LRRN1: variants seen among roughly 807,000 people sequenced by gnomAD.
The protein encoded by LRRN1 is leucine-rich repeat neuronal protein 1.
Under a neutral mutation model 45.8 loss-of-function variants are expected in LRRN1, and 14 were observed. The ratio of observed to expected loss-of-function variants is 0.31; its 90% CI spans 0.20 to 0.48. LRRN1 has a LOEUF of 0.48. Ranked by LOEUF, LRRN1 falls within the 20% of genes least tolerant of loss-of-function variation. The pLI, the probability that LRRN1 is intolerant of heterozygous loss-of-function variation, is 0.99. For missense variants in LRRN1, 789 were observed against 874.2 expected, an observed-to-expected ratio of 0.90 and a Z score of 1.23; for synonymous variants, 359 against 330.1, an observed-to-expected ratio of 1.09 and a Z score of -0.95.
At chr3:3,829,929 C>T (rs770583590) in intron 1 of LRRN1, among the ~76,000 whole-genome samples, 10 of 152,142 alleles carry the variant, frequency 6.6e-5, no homozygotes, top group Non-Finnish European at 1.3e-4. Context: ...CTGATCATCC[C>T]GAGGAATGGT....
chr3:3,827,524 G>A (rs745873545), intron 1 of LRRN1: 2 of 456,128 alleles, frequency 4.4e-6, no homozygotes, highest in South Asian at 3.1e-5. Flanking sequence ...AAGGCAAGAA[G>A]GAAATCTTGG....
intron 1 of LRRN1, among the ~76,000 whole-genome samples, chr3:3,810,797 C>T (rs1692855931): frequency 6.6e-6 from 1 of 152,190 alleles, no homozygotes; most frequent in Non-Finnish European, 1.5e-5. Flanking sequence ...CCCACAGAGG[C>T]CAGTTGCTAT....
chr3:3,827,615 G>A lies in LRRN1; in HGVS notation c.-278-16749G>A, dbSNP rs757527552. 90 of 419,840 alleles carry A rather than the reference G, an allele frequency of 2.1e-4. 1 individual carries two copies. The highest frequency in any genetic ancestry group is 2.7e-4 in the Non-Finnish European group (56 of 206,900). The allele number at this position is 419,840 out of a possible 1,614,324, so 26.0% of individuals were successfully genotyped here. ...AAATTTGAATCCTGCATTTGCCATG[G>A]ATCTATTTGGAGCCTGAGAAAAAGC... On this transcript the variant is annotated intron_variant, in intron 1 of 1. Transcript: ENST00000319331.
At position 3,808,731 on chromosome 3, in the gene LRRN1, A is replaced by T. The variant is rs146044138; in HGVS notation, c.-279+8812A>T. On this transcript the variant is annotated intron_variant, in intron 1 of 1. Coordinates refer to ENST00000319331, the MANE Select transcript of LRRN1 (RefSeq NM_020873.7). ...AGGACTGGACTACGTTAGCTCTCTT[A>T]GCCCATTCCACTCAAAAAGTTACAT... Among the ~76,000 whole-genome samples the T allele has an allele frequency of 2.0e-5, 3 of 152,354 alleles. No homozygotes were observed. In the East Asian group the frequency reaches 5.8e-4, roughly 29 times the overall value.
intron 1 of LRRN1, among the ~76,000 whole-genome samples, chr3:3,837,068 C>G (rs373513522): frequency 6.6e-6 from 1 of 152,098 alleles, no homozygotes; most frequent in Non-Finnish European, 1.5e-5. Context: ...AACAGGAAAC[C>G]TCACTTTCCT....
intron 1 of LRRN1, among the ~76,000 whole-genome samples, chr3:3,801,682 G>T (rs1004914111): frequency 6.6e-6 from 1 of 152,158 alleles, no homozygotes; most frequent in Non-Finnish European, 1.5e-5. Flanking sequence ...TTCTGTTTGG[G>T]AATTCCATGG....
chr3:3,805,751 C>T (rs1692737525), intron 1 of LRRN1, among the ~76,000 whole-genome samples: 1 of 152,172 alleles, frequency 6.6e-6, no homozygotes, highest in South Asian at 2.1e-4. Context: ...CTCACCACCT[C>T]ACCTGGGCCC....
In LRRN1 at chr3:3,845,554, C is replaced by T. The variant is rs141825989; in HGVS notation, c.913C>T (p.Arg305Cys). Residue 305 changes from arginine to cysteine, a missense_variant, in exon 2 of 2, where the codon CGC (arginine) becomes TGC (cysteine). Coordinates refer to ENST00000319331, the MANE Select transcript of LRRN1 (RefSeq NM_020873.7). This position sits in a 1 kb window ranked among gnomAD's most constrained non-coding sequence, Gnocchi z 6.5. Reference sequence around the variant, plus strand: ...TATGGGCGAGCTCGTTTCTGTCGACCGCTATGCCCTGGATAACTTGCCTGA... The same window carrying T: ...TATGGGCGAGCTCGTTTCTGTCGACTGCTATGCCCTGGATAACTTGCCTGA... Reference protein sequence around the residue: ...NNMGELVSVDRYALDNLPELT... With the variant: ...NNMGELVSVDCYALDNLPELT... The T allele has an allele frequency of 3.2e-4, 514 of 1,614,036 alleles. 1 individual carries two copies. The East Asian group carries it at 6.7e-3, about 21-fold the overall frequency.
rs1693725520 is a variant in LRRN1 at position 3,844,832 on chromosome 3, C to G, written c.191C>G (p.Thr64Arg). The G allele has an allele frequency of 9.3e-6, 15 of 1,614,088 alleles. No homozygotes were observed. Among genetic ancestry groups the G allele is most frequent in the African/African-American group, 2.7e-5 (2 of 74,946 alleles). The change falls in exon 2 of 2, where the codon ACA becomes AGA. Residue 64 changes from threonine (T) to arginine (R), a missense_variant. Coordinates refer to ENST00000319331, the MANE Select transcript of LRRN1 (RefSeq NM_020873.7). ...GTTGATTGCAATGACCTCCGCTTAA[C>G]AAGGATTCCCAGTAACCTCTCTAGT... Reference protein sequence around the residue: ...TTVDCNDLRLTRIPSNLSSDT... With the variant: ...TTVDCNDLRLRRIPSNLSSDT...
chr3:3,840,188 AG>A (rs1255101995), intron 1 of LRRN1, among the ~76,000 whole-genome samples: 1 of 152,248 alleles, frequency 6.6e-6, no homozygotes, highest in Non-Finnish European at 1.5e-5. Flanking sequence ...ATCATGAAAA[AG>A]TGTTGAATTT....
rs1009646043 is a variant in LRRN1, at chr3:3,848,320, T to C, written c.*1528T>C. 6.6e-6 allele frequency among the ~76,000 whole-genome samples: 1 copy of C among 152,328 alleles called. No individual in the cohort carries two copies. The highest frequency in any genetic ancestry group is 1.9e-4 in the East Asian group (1 of 5,184). On this transcript the variant is annotated 3_prime_UTR_variant, in exon 2 of 2. Transcript: ENST00000319331. ...GGAAACATGTAACATTTAGAGCAGA[T>C]GGAACTAGGTTTAGGTAGAAGGCCA...
chr3:3,820,098 G>C (rs999840820), intron 1 of LRRN1, among the ~76,000 whole-genome samples: 2 of 152,040 alleles, frequency 1.3e-5, no homozygotes, highest in African/African-American at 4.8e-5. Context: ...AATTTCCTGA[G>C]TTCTCAAAAA....
intron 1 of LRRN1, among the ~76,000 whole-genome samples, chr3:3,837,707 T>C (rs1559305756): frequency 6.6e-6 from 1 of 151,558 alleles, no homozygotes; most frequent in Non-Finnish European, 1.5e-5. Context: ...CATTTTTTTT[T>C]CTTTTTTTTT....
chr3:3,809,624 G>C (rs1477316299), intron 1 of LRRN1, among the ~76,000 whole-genome samples: 1 of 152,210 alleles, frequency 6.6e-6, no homozygotes, highest in Non-Finnish European at 1.5e-5. Context: ...CCAAGGCAGG[G>C]GAAGGAGTGG....
intron 1 of LRRN1, among the ~76,000 whole-genome samples, chr3:3,823,122 G>A (rs531310298): frequency 2.6e-5 from 4 of 152,226 alleles, no homozygotes; most frequent in African/African-American, 7.2e-5. Flanking sequence ...GGGAAAAATC[G>A]GTGTTGGCTT....
Position 3,845,781 on chromosome 3 carries a change from C to A in LRRN1, c.1140C>A (p.His380Gln). 1.2e-6 allele frequency: 2 copies of A among 1,614,164 alleles called. No individual in the cohort carries two copies. The highest frequency in any genetic ancestry group is 1.7e-6 in the Non-Finnish European group (2 of 1,180,036). Residue 380 changes from histidine (H) to glutamine (Q), a missense_variant, in exon 2 of 2, where the codon CAC (histidine) becomes CAA (glutamine). His to Gln is a conservative substitution (Grantham distance 24). Coordinates refer to ENST00000319331, the MANE Select transcript of LRRN1 (RefSeq NM_020873.7). This position sits in a 1 kb window ranked among gnomAD's most constrained non-coding sequence, Gnocchi z 6.5. ...SNPLRCDCVIHWINSNKTNIR... is the reference protein window; with the variant it reads ...SNPLRCDCVIQWINSNKTNIR... Reference sequence around the variant, plus strand: ...CCCTCAGGTGTGACTGTGTGATCCACTGGATTAACTCCAACAAAACCAACA... The same window carrying A: ...CCCTCAGGTGTGACTGTGTGATCCAATGGATTAACTCCAACAAAACCAACA...
In LRRN1 at chr3:3,849,136, A is replaced by T. The variant is rs182736051; in HGVS notation, c.*2344A>T. ...TGCATTAGACCCTCAGCAGCCTGCA[A>T]TTGCAAATCTGCGAGGTTTCATTCG... On this transcript the variant is annotated 3_prime_UTR_variant, in exon 2 of 2. Coordinates refer to ENST00000319331, the MANE Select transcript of LRRN1 (RefSeq NM_020873.7). Among the ~76,000 whole-genome samples, 1 of 152,318 alleles carries T rather than the reference A, an allele frequency of 6.6e-6. No individual in the cohort carries two copies. Among genetic ancestry groups the T allele is most frequent in the Admixed American group, 6.5e-5 (1 of 15,300 alleles).
intron 1 of LRRN1, among the ~76,000 whole-genome samples, chr3:3,833,858 T>G (rs1693425279): frequency 6.6e-6 from 1 of 152,172 alleles, no homozygotes; most frequent in African/African-American, 2.4e-5. Context: ...ACAAACGTAG[T>G]GTCCTCAGCT....
intron 1 of LRRN1, among the ~76,000 whole-genome samples, chr3:3,800,484 A>T (rs949951442): frequency 6.6e-6 from 1 of 152,048 alleles, no homozygotes; most frequent in Admixed American, 6.5e-5. Flanking sequence ...AAGGCACTGA[A>T]AGTATTGAAG....
Sources: allele counts gnomAD v4.1 joint callset (sites outside exome capture counted in the v4.1 genomes callset), GRCh38; gene constraint gnomAD v4.1.1; non-coding constraint Gnocchi (gnomAD v3.1); transcripts MANE v1.5; gene names NCBI Gene and HGNC (gene_info 2026-07-23, HGNC 2026-07-21).